TAFA5: variants seen among roughly 807,000 people sequenced by gnomAD.
The protein encoded by TAFA5 is chemokine-like protein TAFA-5.
Under a neutral mutation model 15.3 loss-of-function variants are expected in TAFA5, and 6 were observed. The observed-to-expected ratio is 0.39, with a 90% CI of 0.21 to 0.77. The LOEUF (loss-of-function observed/expected upper bound fraction) is 0.77. Among genes scored for constraint, TAFA5 ranks in the 30% least tolerant of loss-of-function variants. The pLI, the probability that TAFA5 is intolerant of heterozygous loss-of-function variation, is 0.41. For synonymous variants in TAFA5, 103 were observed against 80.7 expected, an observed-to-expected ratio of 1.28 and a Z score of -1.48; for missense variants, 161 against 193.1, an observed-to-expected ratio of 0.83 and a Z score of 0.98.
At chr22:48,747,111 C>T (rs913812915) in intron 3 of TAFA5, among the ~76,000 whole-genome samples, 3 of 152,208 alleles carry the variant, frequency 2.0e-5, no homozygotes, top group Admixed American at 6.5e-5. Flanking sequence ...TCACCATTCC[C>T]GCCCGGCCCT....
chr22:48,564,311 A>G (rs983865225), intron 1 of TAFA5, among the ~76,000 whole-genome samples: 1 of 152,230 alleles, frequency 6.6e-6, no homozygotes, highest in Non-Finnish European at 1.5e-5. Context: ...CAGAGCAGCT[A>G]CCTAAGGGGG....
intron 2 of TAFA5, among the ~76,000 whole-genome samples, chr22:48,666,525 C>T (rs1231923826): frequency 6.8e-5 from 10 of 147,358 alleles, no homozygotes; most frequent in South Asian, 2.1e-4. Flanking sequence ...TACTGAGGCC[C>T]GTGACCAGGC....
chr22:48,646,822 C>G, intron 2 of TAFA5, 76 bp downstream of exon 2: 1 of 1,485,184 alleles, frequency 6.7e-7, no homozygotes, highest in Non-Finnish European at 9.0e-7. Context: ...CCTGACGCGG[C>G]CCCTTACCTG....
intron 3 of TAFA5, among the ~76,000 whole-genome samples, chr22:48,714,418 A>G (rs987902160): frequency 1.3e-5 from 2 of 152,150 alleles, no homozygotes; most frequent in African/African-American, 4.8e-5. Context: ...GCCTCCTCCC[A>G]GCGCTGTAGA....
chr22:48,607,931 G>A (rs1226582981), intron 1 of TAFA5, among the ~76,000 whole-genome samples: 4 of 152,158 alleles, frequency 2.6e-5, no homozygotes, highest in African/African-American at 7.2e-5. Flanking sequence ...GGGTGGGGTC[G>A]TTTCCCTTTG....
intron 1 of TAFA5, among the ~76,000 whole-genome samples, chr22:48,500,393 C>G (rs1407848178): frequency 6.6e-6 from 1 of 152,184 alleles, no homozygotes; most frequent in African/African-American, 2.4e-5. Flanking sequence ...AAACATTGCT[C>G]GACAAACACC....
intron 1 of TAFA5, among the ~76,000 whole-genome samples, chr22:48,508,670 T>A (rs1921100410): frequency 6.6e-6 from 1 of 152,226 alleles, no homozygotes; most frequent in South Asian, 2.1e-4. Flanking sequence ...GATATTTTTC[T>A]CTTTTTGTTT....
intron 1 of TAFA5, among the ~76,000 whole-genome samples, chr22:48,638,083 C>T (rs1420293795): frequency 1.3e-5 from 2 of 152,108 alleles, no homozygotes; most frequent in African/African-American, 4.8e-5. Context: ...AGAGCACTCA[C>T]CTGCGGGTAT....
intron 1 of TAFA5, among the ~76,000 whole-genome samples, chr22:48,528,159 G>T (rs1431132416): frequency 6.6e-6 from 1 of 152,196 alleles, no homozygotes; most frequent in Non-Finnish European, 1.5e-5. Context: ...TCTCAGTTAA[G>T]GACGCTGAAG....
At chr22:48,541,220 C>T (rs1329979961) in intron 1 of TAFA5, among the ~76,000 whole-genome samples, 1 of 151,086 alleles carries the variant, frequency 6.6e-6, no homozygotes, top group Non-Finnish European at 1.5e-5. Flanking sequence ...GAAACCTGTA[C>T]CATTTGGGGC....
At chr22:48,693,464 C>A (rs979263890) in intron 2 of TAFA5, 3 of 1,589,802 alleles carry the variant, frequency 1.9e-6, no homozygotes, top group Admixed American at 1.8e-5. Context: ...ATGGCTGTGA[C>A]TCAACCATGG....
At chr22:48,649,818 C>T (rs547690749) in intron 2 of TAFA5, among the ~76,000 whole-genome samples, 71 of 152,224 alleles carry the variant, frequency 4.7e-4, no homozygotes, top group Admixed American at 1.0e-3. Flanking sequence ...ACAGCCAGGC[C>T]GTCCTTTCTT....
chr22:48,551,658 G>C (rs376770811), intron 1 of TAFA5, among the ~76,000 whole-genome samples: 3 of 152,138 alleles, frequency 2.0e-5, no homozygotes, highest in African/African-American at 4.8e-5. Context: ...GGGTCCTAAG[G>C]GGGGCAGGGT....
chr22:48,742,395 A>T lies in TAFA5; in HGVS notation c.391-7444A>T, dbSNP rs561894682. ...TCAAGCACAGTTTTAGTCAGAGCCC[A>T]CATTAACACAGCAAGAGCCCAGCCA... On this transcript the variant is annotated intron_variant, in intron 3 of 3. Coordinates refer to ENST00000402357, the MANE Select transcript of TAFA5 (RefSeq NM_001082967.3). This position sits in a 1 kb window ranked among gnomAD's most constrained non-coding sequence, Gnocchi z 6.2. 6.6e-6 allele frequency among the ~76,000 whole-genome samples: 1 copy of T among 152,272 alleles called. No individual in the cohort carries two copies. Among genetic ancestry groups the T allele is most frequent in the Non-Finnish European group, 1.5e-5 (1 of 68,048 alleles).
At chr22:48,641,980 G>C (rs910369006) in intron 1 of TAFA5, among the ~76,000 whole-genome samples, 1 of 152,206 alleles carries the variant, frequency 6.6e-6, no homozygotes, top group Admixed American at 6.5e-5. Flanking sequence ...GGCCGGCGCC[G>C]TGGGTAGACC....
intron 1 of TAFA5, among the ~76,000 whole-genome samples, chr22:48,601,725 C>T (rs1170314838): frequency 6.6e-6 from 1 of 152,206 alleles, no homozygotes; most frequent in African/African-American, 2.4e-5. Flanking sequence ...TCTCCTCCCT[C>T]CCCCTCCAGG....
chr22:48,522,672 G>A (rs545047985), intron 1 of TAFA5, among the ~76,000 whole-genome samples: 5 of 152,208 alleles, frequency 3.3e-5, no homozygotes, highest in African/African-American at 1.2e-4. Context: ...TCACAGCCCA[G>A]GCCATGGGAG....
chr22:48,636,220 C>A (rs1448248009), intron 1 of TAFA5, among the ~76,000 whole-genome samples: 1 of 152,230 alleles, frequency 6.6e-6, no homozygotes, highest in Non-Finnish European at 1.5e-5. Context: ...TTGCTAGCAA[C>A]ACCAACATTA....
At chr22:48,708,158 G>A (rs1200914870) in intron 3 of TAFA5, among the ~76,000 whole-genome samples, 1 of 152,184 alleles carries the variant, frequency 6.6e-6, no homozygotes, top group Non-Finnish European at 1.5e-5. Context: ...TCTTGTTTCC[G>A]GGACTGATGT....
Sources: allele counts gnomAD v4.1 joint callset (sites outside exome capture counted in the v4.1 genomes callset), GRCh38; gene constraint gnomAD v4.1.1; non-coding constraint Gnocchi (gnomAD v3.1); transcripts MANE v1.5; gene names NCBI Gene and HGNC (gene_info 2026-07-23, HGNC 2026-07-21).